The following CYFIP2 variants were observed in gnomAD, a reference collection of about 807,000 sequenced individuals.
CYFIP2 encodes cytoplasmic FMR1-interacting protein 2.
In CYFIP2, 29 loss-of-function variants were observed where a neutral mutation model predicts 158.7. The ratio of observed to expected loss-of-function variants is 0.18; its 90% CI spans 0.14 to 0.25. The LOEUF (loss-of-function observed/expected upper bound fraction) is 0.25, where lower values mean the gene tolerates loss of function less well. CYFIP2 is among the 10% of genes least tolerant of loss of function. CYFIP2 has a pLI of 1.00. For missense variants in CYFIP2, 852 were observed against 1,639.5 expected (o/e 0.52, Z 8.29); for synonymous variants, 585 against 617.6 (o/e 0.95, Z 0.78).
At chr5:157,320,521 G>A in intron 14 of CYFIP2, 134 bp from the exon 15 acceptor site, 2 of 1,175,364 alleles carry the variant, frequency 1.7e-6, no homozygotes, top group Non-Finnish European at 2.4e-6. Flanking sequence ...GGGCAGAAAT[G>A]AGCATGCTTT....
intron 21 of CYFIP2, 88 bp from the exon 22 acceptor site, chr5:157,338,969 T>A: frequency 7.4e-7 from 1 of 1,349,194 alleles, no homozygotes; most frequent in Non-Finnish European, 1.0e-6. Flanking sequence ...CAGCTGTCAC[T>A]TGCGTGAACA....
chr5:157,351,752 C>G (rs1763088114), intron 23 of CYFIP2, among the ~76,000 whole-genome samples: 1 of 152,166 alleles, frequency 6.6e-6, no homozygotes, highest in African/African-American at 2.4e-5. Flanking sequence ...CCATAGTAGC[C>G]CTTTGCTTTG....
intron 26 of CYFIP2, among the ~76,000 whole-genome samples, chr5:157,366,084 T>C (rs760461048): frequency 2.0e-5 from 3 of 152,182 alleles, no homozygotes; most frequent in Non-Finnish European, 4.4e-5. Context: ...CATTCAGCAG[T>C]GTATGAGAGT....
chr5:157,372,718 G>T (rs1342187046), intron 26 of CYFIP2, among the ~76,000 whole-genome samples: 2 of 152,138 alleles, frequency 1.3e-5, no homozygotes, highest in Admixed American at 6.6e-5. Flanking sequence ...CCACCTATTT[G>T]ATTTACCATG....
chr5:157,302,935 T>G, intron 7 of CYFIP2, 45 bp downstream of exon 7: 1 of 1,497,284 alleles, frequency 6.7e-7, no homozygotes, highest in Non-Finnish European at 9.0e-7. Flanking sequence ...GTCTCGGGGT[T>G]ATAGGCAGGC....
At chr5:157,307,943 T>C in intron 9 of CYFIP2, 78 bp downstream of exon 9, 1 of 804,338 alleles carries the variant, frequency 1.2e-6, no homozygotes, top group South Asian at 1.5e-5. Context: ...AGGGATGAAA[T>C]GAGCCAGAAA....
intron 9 of CYFIP2, among the ~76,000 whole-genome samples, chr5:157,309,532 A>T (rs1333960122): frequency 2.6e-5 from 4 of 152,194 alleles, no homozygotes; most frequent in Non-Finnish European, 5.9e-5. Flanking sequence ...GTTGCCTAGA[A>T]CATAGAGTTG....
chr5:157,267,282 C>T (rs144834450), intron 1 of CYFIP2, among the ~76,000 whole-genome samples: 11 of 152,210 alleles, frequency 7.2e-5, no homozygotes, highest in South Asian at 6.2e-4. Context: ...GGCAGGGAGA[C>T]GGAGGCAGGC....
At chr5:157,323,860 A>G in intron 15 of CYFIP2, 61 bp from the exon 16 acceptor site, 1 of 1,442,178 alleles carries the variant, frequency 6.9e-7, no homozygotes, top group Non-Finnish European at 9.2e-7. Flanking sequence ...ACATGAAGCA[A>G]CCTTTTTCCC....
intron 23 of CYFIP2, among the ~76,000 whole-genome samples, chr5:157,351,415 A>G (rs1029413468): frequency 2.0e-5 from 3 of 152,208 alleles, no homozygotes; most frequent in Non-Finnish European, 2.9e-5. Context: ...GTATATGCTC[A>G]TTGTACATAA....
intron 10 of CYFIP2, among the ~76,000 whole-genome samples, chr5:157,310,358 G>A (rs1759605629): frequency 6.6e-6 from 1 of 152,166 alleles, no homozygotes; most frequent in African/African-American, 2.4e-5. Flanking sequence ...TGCTCTTTTG[G>A]TCTCTGAGGC....
At chr5:157,366,152 G>C (rs1234227582) in intron 26 of CYFIP2, among the ~76,000 whole-genome samples, 1 of 152,032 alleles carries the variant, frequency 6.6e-6, no homozygotes, top group Non-Finnish European at 1.5e-5. Context: ...AGCCATTCTG[G>C]GGGGGCTGTC....
intron 23 of CYFIP2, among the ~76,000 whole-genome samples, chr5:157,352,051 T>C (rs1461100736): frequency 6.6e-6 from 1 of 152,220 alleles, no homozygotes; most frequent in Non-Finnish European, 1.5e-5. Flanking sequence ...AAAATTAATA[T>C]ATGAATCAAA....
chr5:157,327,739 C>T (rs114162777), intron 18 of CYFIP2, among the ~76,000 whole-genome samples: 3 of 152,202 alleles, frequency 2.0e-5, no homozygotes, highest in Non-Finnish European at 2.9e-5. Context: ...GGAGAGGGGC[C>T]GTGGGGAGAT....
At chr5:157,291,170 T>G (rs907111155) in intron 3 of CYFIP2, among the ~76,000 whole-genome samples, 1 of 152,168 alleles carries the variant, frequency 6.6e-6, no homozygotes, top group Non-Finnish European at 1.5e-5. Flanking sequence ...AAATATTTAG[T>G]TAATCTGGGG....
intron 28 of CYFIP2, among the ~76,000 whole-genome samples, chr5:157,385,831 G>A (rs528583672): frequency 4.6e-5 from 7 of 151,750 alleles, no homozygotes; most frequent in South Asian, 4.2e-4. Flanking sequence ...TGATGATTCC[G>A]GCACAGCTTC....
chr5:157,357,802 C>T (rs1033300152), intron 23 of CYFIP2, among the ~76,000 whole-genome samples: 1 of 151,846 alleles, frequency 6.6e-6, no homozygotes, highest in Non-Finnish European at 1.5e-5. Context: ...GCACTCTAGC[C>T]TGGGCGACAG....
At position 157,395,233 on chromosome 5, in the gene CYFIP2, G is replaced by A. The variant is rs1206792155; in HGVS notation, c.*2233G>A. 4.1e-6 allele frequency: 1 copy of A among 246,132 alleles called. No individual in the cohort carries two copies. The highest frequency in any genetic ancestry group is 2.4e-5 in the African/African-American group (1 of 42,202). 15.2% of individuals were successfully genotyped at this position (246,132 alleles called of 1,614,324 possible). On this transcript the variant is annotated 3_prime_UTR_variant, in exon 31 of 31. Coordinates refer to ENST00000620254, the MANE Select transcript of CYFIP2 (RefSeq NM_001037333.3). ...TGGCACTGATTTCCGAACACCCAAT[G>A]AGTTTAATATTCTTTCCTCCTTGGC...
chr5:157,363,267 A>AT, intron 26 of CYFIP2: 1 of 152,240 alleles, frequency 6.6e-6, no homozygotes, highest in Non-Finnish European at 1.5e-5. Flanking sequence ...TCATTCTCAG[A>AT]ACCTAGTGGG....
Sources: allele counts gnomAD v4.1 joint callset (sites outside exome capture counted in the v4.1 genomes callset), GRCh38; gene constraint gnomAD v4.1.1; transcripts MANE v1.5; gene names NCBI Gene and HGNC (gene_info 2026-07-23, HGNC 2026-07-21).